TRMT9B: variants seen among roughly 807,000 people sequenced by gnomAD.
The protein encoded by TRMT9B is tRNA methyltransferase 9B (putative), also known as probable tRNA methyltransferase 9B.
Under a neutral mutation model 11.5 loss-of-function variants are expected in TRMT9B, and 16 were observed. The observed-to-expected ratio is 1.39, with a 90% CI of 0.94 to 2.11. TRMT9B has a LOEUF of 2.11. Ranked by LOEUF, TRMT9B falls within the 30% of genes most tolerant of loss-of-function variation. The pLI, the probability that TRMT9B is intolerant of heterozygous loss-of-function variation, is 0.00. For synonymous variants in TRMT9B, 274 were observed against 192.4 expected (o/e 1.42, Z -3.51); for missense variants, 941 against 553.8 (o/e 1.70, Z -7.02).
chr8:13,010,164 A>T (rs1263253680), intron 3 of TRMT9B: 7 of 769,690 alleles, frequency 9.1e-6, no homozygotes, highest in Non-Finnish European at 1.1e-5. Context: ...TCTCACAAAT[A>T]ATATTCTTTA....
chr8:12,999,311 AAAAAG>A, intron 2 of TRMT9B, among the ~76,000 whole-genome samples: 1 of 148,146 alleles, frequency 6.8e-6, no homozygotes, highest in Middle Eastern at 3.5e-3. Context: ...AAAAAAAAAA[AAAAAG>A]AAAAGAAAAA....
chr8:12,962,431 A>G lies in TRMT9B; in HGVS notation c.-200+16465A>G, dbSNP rs186633566. On this transcript the variant is annotated intron_variant, in intron 1 of 4. Coordinates refer to ENST00000524591, the MANE Select transcript of TRMT9B (RefSeq NM_020844.3). ...TAAAATGTGTTGGCAGTATGTGCAT[A>G]CAGAAGATTTTCGTTCTCCTTAAGA... Among the ~76,000 whole-genome samples, 26 of 152,260 alleles carry G rather than the reference A, an allele frequency of 1.7e-4. No homozygotes were observed. In the East Asian group the frequency reaches 4.6e-3, roughly 27 times the overall value.
At chr8:12,969,201 T>G (rs555887990) in intron 1 of TRMT9B, among the ~76,000 whole-genome samples, 1 of 151,838 alleles carries the variant, frequency 6.6e-6, no homozygotes, top group Non-Finnish European at 1.5e-5. Flanking sequence ...AGTGAAACTG[T>G]GTCTAAAAAC....
chr8:13,012,531 C>T (rs944553689), intron 3 of TRMT9B, 153 bp from the exon 4 acceptor site: 132 of 960,764 alleles, frequency 1.4e-4, no homozygotes, highest in African/African-American at 1.8e-4. Context: ...ACCGAGATTG[C>T]GCCACTGCAC....
At chr8:13,016,740 G>A (rs1007357939) in intron 4 of TRMT9B, among the ~76,000 whole-genome samples, 3 of 151,130 alleles carry the variant, frequency 2.0e-5, no homozygotes, top group African/African-American at 7.3e-5. Context: ...TCTCAACTGG[G>A]GGTTACGTTG....
At chr8:12,968,984 G>T (rs893014414) in intron 1 of TRMT9B, among the ~76,000 whole-genome samples, 1 of 152,198 alleles carries the variant, frequency 6.6e-6, no homozygotes, top group Non-Finnish European at 1.5e-5. Context: ...GGCCAAGGCA[G>T]GTGGATCACC....
chr8:12,983,477 C>G (rs542892092), intron 1 of TRMT9B, among the ~76,000 whole-genome samples: 2 of 152,262 alleles, frequency 1.3e-5, no homozygotes, highest in Admixed American at 6.5e-5. Context: ...TGAGACCAGC[C>G]TGACCAACAC....
intron 4 of TRMT9B, among the ~76,000 whole-genome samples, chr8:13,018,998 C>T (rs1045381393): frequency 2.6e-5 from 4 of 152,140 alleles, no homozygotes; most frequent in Non-Finnish European, 4.4e-5. Context: ...AAGAACATTA[C>T]TTTGTTTCAT....
intron 3 of TRMT9B, among the ~76,000 whole-genome samples, chr8:13,010,000 A>G (rs892811662): frequency 1.3e-5 from 2 of 152,034 alleles, no homozygotes; most frequent in Non-Finnish European, 2.9e-5. Context: ...TTAGCTAAGC[A>G]TGATACACGT....
intron 1 of TRMT9B, among the ~76,000 whole-genome samples, chr8:12,959,527 T>TTTTTA (rs1801786508): frequency 7.6e-6 from 1 of 131,542 alleles, no homozygotes; most frequent in Non-Finnish European, 1.6e-5. Flanking sequence ...TTTTTTTTTT[T>TTTTTA]TTTTTTTTTT....
chr8:12,994,902 G>A (rs1020393196), intron 2 of TRMT9B, among the ~76,000 whole-genome samples: 11 of 152,080 alleles, frequency 7.2e-5, no homozygotes, highest in Admixed American at 1.3e-4. Context: ...GGCTGGTCTC[G>A]AACTCTCGAC....
chr8:13,007,750 A>G (rs988710297), intron 3 of TRMT9B: 4 of 152,208 alleles, frequency 2.6e-5, no homozygotes, highest in African/African-American at 9.6e-5. Flanking sequence ...GAAAGGAACT[A>G]TTCAGTAAAT....
chr8:12,961,755 T>C (rs1196621411), intron 1 of TRMT9B: 1 of 149,764 alleles, frequency 6.7e-6, no homozygotes, highest in Non-Finnish European at 1.5e-5. Context: ...ATCCAAGTGA[T>C]GGCAGGTCAA....
chr8:13,017,668 C>T (rs1390406381), intron 4 of TRMT9B, among the ~76,000 whole-genome samples: 6 of 134,572 alleles, frequency 4.5e-5, no homozygotes, highest in African/African-American at 1.4e-4. Flanking sequence ...GGTTGGAGTA[C>T]AGTGGCATGA....
chr8:13,006,243 A>G lies in TRMT9B; in HGVS notation c.41A>G (p.His14Arg). ...GCCCAGCTGGAGAAGCAGCATGTGC[A>G]CAATGTGTACGAGAGCACAGCCCCT... ...EAAQLEKQHV[H>R]NVYESTAPYF... The change falls in exon 3 of 5, where the codon CAC becomes CGC. Residue 14 changes from histidine to arginine, a missense_variant. Transcript: ENST00000524591. 6.2e-7 allele frequency: 1 copy of G among 1,614,002 alleles called. No individual in the cohort carries two copies. The highest frequency in any genetic ancestry group is 8.5e-7 in the Non-Finnish European group (1 of 1,179,892).
chr8:12,950,159 C>A (rs900992258), intron 1 of TRMT9B, among the ~76,000 whole-genome samples: 1 of 152,098 alleles, frequency 6.6e-6, no homozygotes, highest in African/African-American at 2.4e-5. Flanking sequence ...TAGTCCTTAG[C>A]CAATTTTTTA....
At chr8:13,010,139 A>C (rs927487031) in intron 3 of TRMT9B, 2,267 of 425,136 alleles carry the variant, frequency 5.3e-3, no homozygotes, top group Non-Finnish European at 6.4e-3. Flanking sequence ...CCCTATCTGA[A>C]AAAAAAAAAA....
intron 3 of TRMT9B, among the ~76,000 whole-genome samples, chr8:13,008,895 A>AT (rs2128892378): frequency 6.6e-6 from 1 of 151,952 alleles, no homozygotes; most frequent in East Asian, 1.9e-4. Context: ...CGCCCAGCTA[A>AT]TTTTTTGTAT....
chr8:12,965,229 G>C (rs1802656735), intron 1 of TRMT9B, among the ~76,000 whole-genome samples: 1 of 152,220 alleles, frequency 6.6e-6, no homozygotes, highest in African/African-American at 2.4e-5. Flanking sequence ...CAAGCCATAT[G>C]GCTGAATTGG....
Sources: gnomAD v4.1 joint callset for allele counts (sites outside exome capture counted in the v4.1 genomes callset) on GRCh38, gnomAD v4.1.1 for gene constraint, MANE v1.5 for transcripts, NCBI Gene and HGNC (gene_info 2026-07-23, HGNC 2026-07-21) for gene names.